Variants in ASAP1 observed in about 807,000 individuals in gnomAD.
ASAP1 encodes ArfGAP with SH3 domain, ankyrin repeat and PH domain 1.
Under a neutral mutation model 145.2 loss-of-function variants are expected in ASAP1, and 43 were observed. The ratio of observed to expected loss-of-function variants is 0.30; its 90% CI spans 0.23 to 0.38. The LOEUF is 0.38. Among genes scored for constraint, ASAP1 ranks in the 10% least tolerant of loss-of-function variants. The pLI is 1.00. For missense variants in ASAP1, 1,018 were observed against 1,355.3 expected, an observed-to-expected ratio of 0.75 and a Z score of 3.91; for synonymous variants, 546 against 515.5, an observed-to-expected ratio of 1.06 and a Z score of -0.80.
At chr8:130,428,409 C>T (rs1587031854) in intron 1 of ASAP1, among the ~76,000 whole-genome samples, 1 of 143,644 alleles carries the variant, frequency 7.0e-6, no homozygotes, top group African/African-American at 2.7e-5. Flanking sequence ...TGCCAAATCA[C>T]CACCACCATC....
Position 130,280,274 on chromosome 8 carries a change from T to C in ASAP1, c.187-43280A>G, listed in dbSNP as rs146480970. On this transcript the variant is annotated intron_variant, in intron 3 of 29. Coordinates refer to ENST00000518721, the MANE Select transcript of ASAP1 (RefSeq NM_018482.4). ...ATGGAGTATGGATTTCAGGAGAATC[T>C]AGCAGGATAAAATGGTAGCTGACCT... 2.5e-3 allele frequency among the ~76,000 whole-genome samples: 375 copies of C among 152,364 alleles called. 1 individual carries two copies. Among genetic ancestry groups the C allele is most frequent in the African/African-American group, 8.7e-3 (360 of 41,588 alleles).
At chr8:130,429,910 A>G (rs1830079313) in intron 1 of ASAP1, among the ~76,000 whole-genome samples, 1 of 152,188 alleles carries the variant, frequency 6.6e-6, no homozygotes, top group Non-Finnish European at 1.5e-5. Flanking sequence ...AGCTGCCTGG[A>G]GGGCAGCCTC....
intron 5 of ASAP1, among the ~76,000 whole-genome samples, chr8:130,188,741 AAAAAGAAAAG>A (rs1186073722): frequency 1.4e-5 from 2 of 144,966 alleles, no homozygotes; most frequent in Admixed American, 1.4e-4. Context: ...AAAAAAAAAA[AAAAAGAAAAG>A]AAAAGAAAAT....
intron 3 of ASAP1, among the ~76,000 whole-genome samples, chr8:130,350,229 T>C (rs1015302398): frequency 6.6e-6 from 1 of 152,196 alleles, no homozygotes; most frequent in Non-Finnish European, 1.5e-5. Context: ...GCAAGTTACA[T>C]GGAGTGGTAC....
At chr8:130,152,548 G>A in intron 13 of ASAP1, 188 bp downstream of exon 13, 2 of 400,988 alleles carry the variant, frequency 5.0e-6, no homozygotes, top group Non-Finnish European at 8.8e-6. Flanking sequence ...AGTTTCTAGT[G>A]ATGCCAAAGA....
At chr8:130,441,491 A>C (rs1830487197) in intron 1 of ASAP1, among the ~76,000 whole-genome samples, 1 of 152,246 alleles carries the variant, frequency 6.6e-6, no homozygotes, top group Admixed American at 6.5e-5. Context: ...AGAACCGAGC[A>C]GCAGGATCCA....
chr8:130,181,271 T>C (rs908671193), intron 7 of ASAP1, among the ~76,000 whole-genome samples: 5 of 152,238 alleles, frequency 3.3e-5, no homozygotes, highest in African/African-American at 4.8e-5. Flanking sequence ...GATTTTCATA[T>C]GGGAAACCTC....
intron 5 of ASAP1, among the ~76,000 whole-genome samples, chr8:130,213,349 G>A (rs570310928): frequency 2.4e-4 from 37 of 152,280 alleles, no homozygotes; most frequent in South Asian, 1.2e-3. Flanking sequence ...ACATACACAC[G>A]TTTATTTATT....
chr8:130,235,251 C>T (rs1443131755), intron 4 of ASAP1, among the ~76,000 whole-genome samples: 1 of 151,988 alleles, frequency 6.6e-6, no homozygotes, highest in African/African-American at 2.4e-5. Flanking sequence ...TCTGCTCTTC[C>T]AAATCACAAT....
At chr8:130,125,319 G>C (rs1348374262) in intron 17 of ASAP1, among the ~76,000 whole-genome samples, 1 of 152,092 alleles carries the variant, frequency 6.6e-6, no homozygotes, top group Non-Finnish European at 1.5e-5. Flanking sequence ...ATATCTCGGG[G>C]AGCAATTTGG....
intron 5 of ASAP1, among the ~76,000 whole-genome samples, chr8:130,204,203 A>C (rs545758624): frequency 6.6e-6 from 1 of 152,312 alleles, no homozygotes; most frequent in East Asian, 1.9e-4. Flanking sequence ...CTGCATATGC[A>C]AGGGATCTAG....
At chr8:130,372,390 A>G (rs973414481) in intron 2 of ASAP1, among the ~76,000 whole-genome samples, 1 of 152,228 alleles carries the variant, frequency 6.6e-6, no homozygotes, top group African/African-American at 2.4e-5. Flanking sequence ...AAATTCCACA[A>G]TAATGTTCCC....
At chr8:130,384,788 C>T (rs77107245) in intron 2 of ASAP1, among the ~76,000 whole-genome samples, 2,613 of 152,294 alleles carry the variant, frequency 0.017, 38 homozygotes, top group Middle Eastern at 0.051. Context: ...CTTCACATCC[C>T]TCAATGACTC....
chr8:130,292,844 T>C (rs1822029497), intron 3 of ASAP1, among the ~76,000 whole-genome samples: 1 of 152,240 alleles, frequency 6.6e-6, no homozygotes, highest in Non-Finnish European at 1.5e-5. Context: ...TTCAGTTTTA[T>C]TACCTGTAAA....
At chr8:130,429,170 C>T (rs575537347) in intron 1 of ASAP1, among the ~76,000 whole-genome samples, 3 of 152,304 alleles carry the variant, frequency 2.0e-5, no homozygotes, top group East Asian at 3.9e-4. Flanking sequence ...CCAGGCTCGC[C>T]CTAATGACTT....
chr8:130,242,956 C>G lies in ASAP1; in HGVS notation c.187-5962G>C, dbSNP rs1213612365. On this transcript the variant is annotated intron_variant, in intron 3 of 29. Transcript: ENST00000518721. Reference sequence around the variant, plus strand: ...TTGGTATCTGTGGGGATCCTGGAACCAATTTCTCTGAGATTTTTTCTGATG... The same window carrying G: ...TTGGTATCTGTGGGGATCCTGGAACGAATTTCTCTGAGATTTTTTCTGATG... Among the ~76,000 whole-genome samples the G allele has an allele frequency of 2.6e-5, 4 of 152,062 alleles. No homozygotes were observed. The East Asian group carries it at 7.7e-4, about 29-fold the overall frequency.
At chr8:130,324,841 G>A (rs1824225040) in intron 3 of ASAP1, among the ~76,000 whole-genome samples, 1 of 152,118 alleles carries the variant, frequency 6.6e-6, no homozygotes. Context: ...AAAAGCAAAA[G>A]CACACCCTTG....
At chr8:130,088,685 C>T (rs963758617) in intron 25 of ASAP1, among the ~76,000 whole-genome samples, 2 of 152,150 alleles carry the variant, frequency 1.3e-5, no homozygotes, top group East Asian at 1.9e-4. Context: ...ATCCAGTTTG[C>T]GGTATGCGTT....
At chr8:130,327,283 C>T (rs925648332) in intron 3 of ASAP1, among the ~76,000 whole-genome samples, 2 of 152,206 alleles carry the variant, frequency 1.3e-5, no homozygotes, top group Non-Finnish European at 2.9e-5. Flanking sequence ...GTCACTCATC[C>T]TCTCCCACCA....
Sources: allele counts gnomAD v4.1 joint callset (sites outside exome capture counted in the v4.1 genomes callset), GRCh38; gene constraint gnomAD v4.1.1; transcripts MANE v1.5; gene names NCBI Gene and HGNC (gene_info 2026-07-23, HGNC 2026-07-21).